The following PLEKHA7 variants were observed in gnomAD, a reference collection of about 807,000 sequenced individuals.
The protein encoded by PLEKHA7 is pleckstrin homology domain containing A7.
PLEKHA7 carries 104 observed loss-of-function variants against 170.0 expected under a neutral mutation model. The ratio of observed to expected loss-of-function variants is 0.61; its 90% CI spans 0.52 to 0.72. PLEKHA7 has a LOEUF of 0.72. PLEKHA7 is among the 30% of genes least tolerant of loss of function. PLEKHA7 has a pLI of 0.00. For missense variants in PLEKHA7, 1,615 were observed against 1,671.7 expected, an observed-to-expected ratio of 0.97 and a Z score of 0.59; for synonymous variants, 648 against 660.8, an observed-to-expected ratio of 0.98 and a Z score of 0.30.
In PLEKHA7 at chr11:16,783,775, T is replaced by G; in HGVS notation, c.3575A>C (p.Glu1192Ala). Residue 1192 changes from glutamate to alanine, a missense_variant, in exon 25 of 27, where the codon GAG becomes GCG. Coordinates refer to ENST00000531066, the MANE Select transcript of PLEKHA7 (RefSeq NM_001329630.2). Reference sequence around the variant, plus strand: ...CTGCAGCTCCTCAAGGCTGGGTGGCTCTTCGGGATCTAGCTCCACGTAGCG... The same window carrying G: ...CTGCAGCTCCTCAAGGCTGGGTGGCGCTTCGGGATCTAGCTCCACGTAGCG... ...PERYVELDPE[E>A]PPSLEELQAR... 1 of 1,515,336 alleles carries G rather than the reference T, an allele frequency of 6.6e-7. No homozygotes were observed. The highest frequency in any genetic ancestry group is 1.2e-5 in the South Asian group (1 of 80,936). 93.9% of individuals were successfully genotyped at this position (1,515,336 alleles called of 1,614,324 possible). A position where few individuals can be genotyped will look rare whatever the true frequency, so the allele number is the denominator to read the frequency against.
intron 1 of PLEKHA7, 25 bp downstream of exon 1, chr11:17,014,279 ACCCGCGTCCCCG>A: frequency 3.9e-6 from 4 of 1,028,692 alleles, no homozygotes; most frequent in Non-Finnish European, 5.4e-6. Flanking sequence ...CCGCGCCCCC[ACCCGCGTCCCCG>A]CGTCCCCGGG....
intron 3 of PLEKHA7, among the ~76,000 whole-genome samples, chr11:16,959,832 G>T (rs1181798923): frequency 6.6e-6 from 1 of 152,182 alleles, no homozygotes; most frequent in African/African-American, 2.4e-5. Context: ...GGAGGGGGTT[G>T]CGGGCTCCCC....
At chr11:16,890,712 AAC>A (rs1485891448) in intron 3 of PLEKHA7, among the ~76,000 whole-genome samples, 15 of 152,294 alleles carry the variant, frequency 9.8e-5, no homozygotes, top group Admixed American at 3.3e-4. Flanking sequence ...TGATTGAGGT[AAC>A]AGTTATTACT....
chr11:16,803,661 G>A (rs192181471), intron 13 of PLEKHA7: 8 of 222,894 alleles, frequency 3.6e-5, no homozygotes, highest in Admixed American at 1.6e-4. Flanking sequence ...ACTACTGAAC[G>A]TGGGAACAAA....
At chr11:16,938,264 C>G (rs1043217773) in intron 3 of PLEKHA7, among the ~76,000 whole-genome samples, 2 of 151,978 alleles carry the variant, frequency 1.3e-5, no homozygotes, top group African/African-American at 4.8e-5. Context: ...GGTGTGTTAC[C>G]CTAGAAGCAG....
At chr11:16,851,014 T>G (rs1352279405) in intron 8 of PLEKHA7, among the ~76,000 whole-genome samples, 177 bp downstream of exon 8, 1 of 152,190 alleles carries the variant, frequency 6.6e-6, no homozygotes. Flanking sequence ...TAGAGTCAAA[T>G]GACAGTACCG....
intron 5 of PLEKHA7, among the ~76,000 whole-genome samples, chr11:16,855,380 C>G (rs573532771): frequency 1.3e-5 from 2 of 152,202 alleles, no homozygotes; most frequent in African/African-American, 4.8e-5. Context: ...CACTCTCCTC[C>G]TCTCCTCAAT....
chr11:16,790,867 C>G lies in PLEKHA7; in HGVS notation c.2983G>C (p.Gly995Arg). The G allele has an allele frequency of 6.2e-7, 1 of 1,611,280 alleles. No individual in the cohort carries two copies. The highest frequency in any genetic ancestry group is 8.5e-7 in the Non-Finnish European group (1 of 1,178,908). Residue 995 changes from glycine to arginine, a missense_variant, in exon 21 of 27, where the codon GGG (glycine) becomes CGG (arginine). By Grantham distance (125) the Gly-to-Arg change is moderately radical (BLOSUM62 -2). Transcript: ENST00000531066. ...CCTAGGGAGGGCTGGGCCATGTCCC[C>G]GCTGAGGGTCGCCAGCTCAGGCTCA... ...VSEPELATLS[G>R]DMAQPSLGLV...
At chr11:16,984,703 C>T (rs971253374) in intron 3 of PLEKHA7, among the ~76,000 whole-genome samples, 2 of 152,228 alleles carry the variant, frequency 1.3e-5, no homozygotes, top group Non-Finnish European at 2.9e-5. Flanking sequence ...ATTTCGTTTG[C>T]TCTCTTTCTC....
chr11:16,841,425 TAAAG>T, intron 9 of PLEKHA7, 118 bp downstream of exon 9: 1 of 1,121,162 alleles, frequency 8.9e-7, no homozygotes, highest in Non-Finnish European at 1.2e-6. Context: ...AGAAAGTTTA[TAAAG>T]AGAGGGCAAT....
chr11:16,880,331 G>A (rs746774928), intron 3 of PLEKHA7, among the ~76,000 whole-genome samples: 6 of 152,330 alleles, frequency 3.9e-5, no homozygotes, highest in Non-Finnish European at 8.8e-5. Flanking sequence ...GCATGACCTT[G>A]AGCGAGTTAG....
chr11:16,906,289 A>AGGAGGG (rs1857682307), intron 3 of PLEKHA7, among the ~76,000 whole-genome samples: 1 of 107,002 alleles, frequency 9.3e-6, no homozygotes, highest in Non-Finnish European at 2.0e-5. Flanking sequence ...GAAAGAAAGA[A>AGGAGGG]AATTGGAAAG....
rs116620953 is a variant in PLEKHA7, at chr11:16,782,606, C to T, written c.3793+148G>A. The stretch of plus-strand genomic sequence containing the variant: ...CTGCTGTGCTCATGGGACAGGATGC[C>T]GAGTGGTCAGGGGAACACACCACTG... On this transcript the variant is annotated intron_variant, in intron 26 of 26. Transcript: ENST00000531066. 110 of 1,014,286 alleles carry T rather than the reference C, an allele frequency of 1.1e-4. No homozygotes were observed. In the African/African-American group the frequency reaches 1.6e-3, roughly 15 times the overall value. The allele number at this position is 1,014,286 out of a possible 1,614,324, so 62.8% of individuals were successfully genotyped here.
intron 3 of PLEKHA7, among the ~76,000 whole-genome samples, chr11:16,891,367 T>C (rs188240971): frequency 5.9e-5 from 9 of 152,250 alleles, no homozygotes; most frequent in African/African-American, 1.9e-4. Flanking sequence ...GATGCCTCTA[T>C]AGGCCAGGAA....
intron 3 of PLEKHA7, among the ~76,000 whole-genome samples, chr11:16,873,084 G>A (rs1854995348): frequency 6.6e-6 from 1 of 152,096 alleles, no homozygotes; most frequent in Non-Finnish European, 1.5e-5. Flanking sequence ...CAAAGAGCAT[G>A]GTCATTTTTT....
At chr11:16,840,741 A>G (rs532278736) in intron 9 of PLEKHA7, among the ~76,000 whole-genome samples, 38 of 152,236 alleles carry the variant, frequency 2.5e-4, no homozygotes, top group African/African-American at 9.1e-4. Context: ...GTCACTATTT[A>G]TAGCTGTATT....
intron 3 of PLEKHA7, among the ~76,000 whole-genome samples, chr11:17,011,828 G>C (rs1274468514): frequency 3.3e-5 from 5 of 152,074 alleles, no homozygotes; most frequent in Admixed American, 3.3e-4. Flanking sequence ...TATCTCAAAT[G>C]TAAGATGGCA....
intron 3 of PLEKHA7, among the ~76,000 whole-genome samples, chr11:16,889,420 A>AAAAAAAAATAT (rs61086849): frequency 2.0e-4 from 15 of 74,662 alleles, no homozygotes; most frequent in South Asian, 4.4e-4. Flanking sequence ...AAAAAAAAAA[A>AAAAAAAAATAT]ATATATATAT....
intron 3 of PLEKHA7, among the ~76,000 whole-genome samples, chr11:17,011,500 C>T (rs530584926): frequency 1.3e-5 from 2 of 152,330 alleles, no homozygotes; most frequent in East Asian, 3.9e-4. Context: ...GCCTAACTGA[C>T]TCCCTGTCTT....
Sources: allele counts gnomAD v4.1 joint callset (sites outside exome capture counted in the v4.1 genomes callset), GRCh38; gene constraint gnomAD v4.1.1; transcripts MANE v1.5; gene names NCBI Gene and HGNC (gene_info 2026-07-23, HGNC 2026-07-21).